Variants in DYNC2LI1 observed in about 807,000 individuals in gnomAD.
DYNC2LI1 encodes cytoplasmic dynein 2 light intermediate chain 1.
In DYNC2LI1, 45 loss-of-function variants were observed where a neutral mutation model predicts 51.9. The ratio of observed to expected loss-of-function variants is 0.87; its 90% CI spans 0.68 to 1.11. The LOEUF is 1.11. DYNC2LI1 is among the 50% of genes most tolerant of loss of function. The pLI is 0.00. For synonymous variants in DYNC2LI1, 130 were observed against 137.8 expected (o/e 0.94, Z 0.40); for missense variants, 490 against 417.4 (o/e 1.17, Z -1.51).
chr2:43,815,264 C>T, the DYNC2LI1 span, among the ~76,000 whole-genome samples: 62 of 152,302 alleles, frequency 4.1e-4, no homozygotes, highest in African/African-American at 1.3e-3. Flanking sequence ...TCTTCTTAGT[C>T]CACTGTATAT....
chr2:43,774,097 T>C lies in DYNC2LI1; in HGVS notation c.-42T>C, dbSNP rs747945149. On this transcript the variant is annotated 5_prime_UTR_variant, in exon 1 of 13. Coordinates refer to ENST00000260605, the MANE Select transcript of DYNC2LI1 (RefSeq NM_016008.4). ...CGCCGCCTGATTCTAGGCTGGTCAC[T>C]ACTCCGAGCCTGTGACGTTTGCGGC... is the stretch of plus-strand genomic sequence containing the variant. 1 of 1,613,082 alleles carries C rather than the reference T, an allele frequency of 6.2e-7. No homozygotes were observed. The highest frequency in any genetic ancestry group is 2.2e-5 in the East Asian group (1 of 44,826).
chr2:43,791,082 A>G (rs960477578), intron 5 of DYNC2LI1, among the ~76,000 whole-genome samples: 1 of 152,202 alleles, frequency 6.6e-6, no homozygotes, highest in African/African-American at 2.4e-5. Flanking sequence ...TTAGCCAGGC[A>G]TCATAGCAAG....
At chr2:43,787,618 T>A (rs888931305) in intron 4 of DYNC2LI1, among the ~76,000 whole-genome samples, 2 of 152,224 alleles carry the variant, frequency 1.3e-5, no homozygotes, top group Non-Finnish European at 2.9e-5. Context: ...ATTATTAGCA[T>A]TTAAAAATGC....
chr2:43,827,993 G>T, the DYNC2LI1 span: 1 of 1,614,008 alleles, frequency 6.2e-7, no homozygotes, highest in East Asian at 2.2e-5. Context: ...TAGGATCCTG[G>T]AGCAGCTGGG....
At chr2:43,792,501 G>A (rs1427900669) in intron 5 of DYNC2LI1, among the ~76,000 whole-genome samples, 1 of 152,082 alleles carries the variant, frequency 6.6e-6, no homozygotes, top group Non-Finnish European at 1.5e-5. Context: ...ATTTACAAAT[G>A]TTTAGTTTTT....
chr2:43,795,762 A>C, intron 6 of DYNC2LI1, 128 bp from the exon 7 acceptor site: 1 of 704,776 alleles, frequency 1.4e-6, no homozygotes, highest in Non-Finnish European at 2.4e-6. Context: ...AACAAATTCT[A>C]TGTCAAGCAA....
In DYNC2LI1 at chr2:43,795,955, T is replaced by A; in HGVS notation, c.573T>A (p.Phe191Leu). 1 of 1,612,016 alleles carries A rather than the reference T, an allele frequency of 6.2e-7. No individual in the cohort carries two copies. Among genetic ancestry groups the A allele is most frequent in the Non-Finnish European group, 8.5e-7 (1 of 1,178,232 alleles). ...LVIIGSKYDV[F>L]QDFESEKRKV... Reference sequence around the variant, plus strand: ...TAATTGGAAGTAAATATGATGTTTTTCAGGTAAGCTCTTCCGCTTCTAGCT... The same window carrying A: ...TAATTGGAAGTAAATATGATGTTTTACAGGTAAGCTCTTCCGCTTCTAGCT... Residue 191 changes from phenylalanine to leucine, a missense_variant, in exon 7 of 13, where the codon TTT (phenylalanine) becomes TTA (leucine). By Grantham distance (22) the Phe-to-Leu change is conservative. Transcript: ENST00000260605.
chr2:43,774,817 C>G (rs1345657323), intron 1 of DYNC2LI1, among the ~76,000 whole-genome samples: 1 of 152,082 alleles, frequency 6.6e-6, no homozygotes, highest in African/African-American at 2.4e-5. Context: ...TTATACTTCC[C>G]GATTTCCGCA....
At chr2:43,781,805 T>C (rs1048938861) in intron 2 of DYNC2LI1, 1 of 152,066 alleles carries the variant, frequency 6.6e-6, no homozygotes, top group Admixed American at 6.6e-5. Flanking sequence ...GGTTTCGCCA[T>C]GTTAGCCAGG....
At chr2:43,823,907 A>G in the DYNC2LI1 span, 1 of 1,613,806 alleles carries the variant, frequency 6.2e-7, no homozygotes, top group Non-Finnish European at 8.5e-7. Context: ...GCACGTGGGC[A>G]CTTACACAGA....
chr2:43,786,719 G>A lies in DYNC2LI1; in HGVS notation c.162-462G>A, dbSNP rs1435355759. Among the ~76,000 whole-genome samples the A allele has an allele frequency of 7.9e-5, 12 of 152,242 alleles. No homozygotes were observed. In the South Asian group the frequency reaches 1.9e-3, roughly 24 times the overall value. On this transcript the variant is annotated intron_variant, in intron 3 of 12. Transcript: ENST00000260605. The stretch of plus-strand genomic sequence containing the variant: ...CGGGTGCTTGTAGTCCCAGCTACTC[G>A]GGAGGCTGAGGCAGGAGAATGGCGT...
intron 2 of DYNC2LI1, among the ~76,000 whole-genome samples, chr2:43,782,801 G>A (rs988761651): frequency 6.6e-6 from 1 of 151,982 alleles, no homozygotes; most frequent in Non-Finnish European, 1.5e-5. Context: ...AGCCAACATG[G>A]CAAAACCTTG....
intron 6 of DYNC2LI1, among the ~76,000 whole-genome samples, chr2:43,795,366 T>C (rs1007587973): frequency 1.3e-5 from 2 of 152,026 alleles, no homozygotes; most frequent in African/African-American, 4.8e-5. Flanking sequence ...TAGCTGGGTG[T>C]GGTGGTACAT....
intron 12 of DYNC2LI1, among the ~76,000 whole-genome samples, chr2:43,805,824 G>T (rs1025607536): frequency 1.1e-4 from 17 of 151,926 alleles, no homozygotes; most frequent in Admixed American, 6.6e-5. Context: ...TCTGATGTAA[G>T]AATGTTAAGA....
chr2:43,789,458 TTAGAG>T (rs370808691), intron 4 of DYNC2LI1, among the ~76,000 whole-genome samples, 170 bp from the exon 5 acceptor site: 5 of 152,250 alleles, frequency 3.3e-5, no homozygotes, highest in African/African-American at 1.2e-4. Context: ...TCATTTTTCT[TTAGAG>T]TAGGTGCTTT....
Position 43,776,931 on chromosome 2 carries a change from G to A in DYNC2LI1, c.126+32G>A, listed in dbSNP as rs1673053934. The stretch of plus-strand genomic sequence containing the variant: ...CTTTCTTTTTTTCAATTATTGTGAT[G>A]ATTTAACAACCATTGGTAAAATATC... On this transcript the variant is annotated intron_variant, in intron 2 of 12. Transcript: ENST00000260605. The A allele has an allele frequency of 4.5e-6, 5 of 1,113,394 alleles. No homozygotes were observed. In the East Asian group the frequency reaches 1.2e-4, roughly 26 times the overall value. The allele number at this position is 1,113,394 out of a possible 1,614,324, so 69.0% of individuals were successfully genotyped here.
At chr2:43,800,701 C>G (rs2104707483) in intron 8 of DYNC2LI1, 140 bp from the exon 9 acceptor site, 1 of 482,332 alleles carries the variant, frequency 2.1e-6, no homozygotes. Flanking sequence ...TTTGTTTTGT[C>G]TACTCAAACA....
At chr2:43,813,176 T>G (rs1331417159), downstream of DYNC2LI1, 1 of 1,524,520 alleles carries the variant, frequency 6.6e-7, no homozygotes, top group Non-Finnish European at 9.1e-7. Context: ...TGACAAGAGC[T>G]GGAATAAATG....
At chr2:43,789,821 T>C in intron 5 of DYNC2LI1, 100 bp downstream of exon 5, 2 of 983,072 alleles carry the variant, frequency 2.0e-6, no homozygotes, top group South Asian at 3.2e-5. Flanking sequence ...GGCACAGTTT[T>C]ATGTTGCTGA....
Sources: gnomAD v4.1 joint callset for allele counts (sites outside exome capture counted in the v4.1 genomes callset) on GRCh38, gnomAD v4.1.1 for gene constraint, MANE v1.5 for transcripts, NCBI Gene and HGNC (gene_info 2026-07-23, HGNC 2026-07-21) for gene names.